Variants in NOTO observed in about 807,000 individuals in gnomAD.
NOTO encodes the protein notochord homeobox, also known as homeobox protein notochord.
NOTO carries 19 observed loss-of-function variants against 20.5 expected under a neutral mutation model. The ratio of observed to expected loss-of-function variants is 0.93; its 90% confidence interval spans 0.65 to 1.36. The LOEUF (loss-of-function observed/expected upper bound fraction) is 1.36, where lower values mean the gene tolerates loss of function less well. NOTO is among the 40% of genes most tolerant of loss of function. NOTO has a pLI of 0.00. For missense variants in NOTO, 369 were observed against 336.2 expected, an observed-to-expected ratio of 1.10 and a Z score of -0.76; for synonymous variants, 150 against 150.2, an observed-to-expected ratio of 1.00 and a Z score of 0.01.
chr2:73,202,617 C>G lies in NOTO; in HGVS notation c.-50C>G, dbSNP rs1372209283. ...CTCGCTGCCTTTTGCAGAATCTTCT[C>G]ACTTCTCCCGAGCTCCCTTCCTTGC... On this transcript the variant is annotated 5_prime_UTR_variant, in exon 1 of 3. Coordinates refer to ENST00000398468, the MANE Select transcript of NOTO (RefSeq NM_001134462.2). The G allele has an allele frequency of 2.1e-6, 3 of 1,398,470 alleles. No homozygotes were observed. Among genetic ancestry groups the G allele is most frequent in the Non-Finnish European group, 1.8e-6 (2 of 1,083,458 alleles). 86.6% of individuals were successfully genotyped at this position (1,398,470 alleles called of 1,614,324 possible).
In NOTO at chr2:73,202,650, C is replaced by T; in HGVS notation, c.-17C>T. ...CCGAGCTCCCTTCCTTGCGTCCGTC[C>T]GGGCAACGGCCGCGTCATGCCTAGC... On this transcript the variant is annotated 5_prime_UTR_variant, in exon 1 of 3. Transcript: ENST00000398468. 1 of 1,434,682 alleles carries T rather than the reference C, an allele frequency of 7.0e-7. No individual in the cohort carries two copies. The highest frequency in any genetic ancestry group is 1.5e-5 in the African/African-American group (1 of 66,514). The allele number at this position is 1,434,682 out of a possible 1,614,324, so 88.9% of individuals were successfully genotyped here.
At chr2:73,208,705 T>C in intron 2 of NOTO, 91 bp downstream of exon 2, 3 of 816,280 alleles carry the variant, frequency 3.7e-6, no homozygotes, top group East Asian at 2.7e-5. Flanking sequence ...GAGGAAGATA[T>C]GGGCCCTCTT....
intron 1 of NOTO, among the ~76,000 whole-genome samples, chr2:73,203,754 C>A (rs1354247342): frequency 6.6e-6 from 1 of 151,920 alleles, no homozygotes; most frequent in East Asian, 1.9e-4. Context: ...CACCTGAAGT[C>A]AGGAGTTCAA....
Position 73,206,099 on chromosome 2 carries a change from AT to A in NOTO, c.383-2294del, listed in dbSNP as rs200879141. On this transcript the variant is annotated intron_variant, in intron 1 of 2. Transcript: ENST00000398468. Reference sequence around the variant, plus strand: ...TGTGAAGTCATAAAATAACTTCCCCATTTTTTTCTAAATTTTTGTGGGTTTA... The same window carrying A: ...TGTGAAGTCATAAAATAACTTCCCCATTTTTTCTAAATTTTTGTGGGTTTA... Among the ~76,000 whole-genome samples the A allele has an allele frequency of 1.4e-4, 21 of 151,964 alleles. No individual in the cohort carries two copies. The East Asian group carries it at 2.9e-3, about 21-fold the overall frequency.
chr2:73,203,359 C>G (rs1244244672), intron 1 of NOTO, among the ~76,000 whole-genome samples: 1 of 152,180 alleles, frequency 6.6e-6, no homozygotes, highest in East Asian at 1.9e-4. Flanking sequence ...GGACCCAGCC[C>G]TGCTCCCGGT....
intron 1 of NOTO, among the ~76,000 whole-genome samples, chr2:73,206,787 CTTTT>C (rs969908382): frequency 4.7e-4 from 42 of 89,970 alleles, no homozygotes; most frequent in Non-Finnish European, 7.5e-4. Flanking sequence ...CCAACTAGAG[CTTTT>C]TTTTTTTTTT....
Position 73,210,987 on chromosome 2 carries a change from A to C in NOTO, c.*58A>C. The C allele has an allele frequency of 7.1e-7, 1 of 1,406,974 alleles. No individual in the cohort carries two copies. Among genetic ancestry groups the C allele is most frequent in the Non-Finnish European group, 9.6e-7 (1 of 1,036,914 alleles). The allele number at this position is 1,406,974 out of a possible 1,614,324, so 87.2% of individuals were successfully genotyped here. Reference sequence around the variant, plus strand: ...GGACTAGTTCCTCCTGGGGGTACCCACTGGAGCTCCCTGCCTCACACCTCA... The same window carrying C: ...GGACTAGTTCCTCCTGGGGGTACCCCCTGGAGCTCCCTGCCTCACACCTCA... On this transcript the variant is annotated 3_prime_UTR_variant, in exon 3 of 3. Transcript: ENST00000398468.
Position 73,202,983 on chromosome 2 carries a change from G to T in NOTO, c.317G>T (p.Gly106Val). The T allele has an allele frequency of 2.0e-6, 3 of 1,489,256 alleles. No homozygotes were observed. Among genetic ancestry groups the T allele is most frequent in the Non-Finnish European group, 2.7e-6 (3 of 1,122,006 alleles). 92.3% of individuals were successfully genotyped at this position (1,489,256 alleles called of 1,614,324 possible). A position where few individuals can be genotyped will look rare whatever the true frequency, so the allele number is the denominator to read the frequency against. The change falls in exon 1 of 3, where the codon GGT becomes GTT. Residue 106 changes from glycine to valine, a missense_variant. Coordinates refer to ENST00000398468, the MANE Select transcript of NOTO (RefSeq NM_001134462.2). ...TSWLPAYLSV[G>V]FYPVPGPRVA... ...TGGCTGCCCGCCTACCTGAGCGTAG[G>T]TTTTTACCCTGTGCCAGGGCCGCGC...
chr2:73,210,639 T>A (rs932069769), intron 2 of NOTO, 132 bp from the exon 3 acceptor site: 2 of 689,402 alleles, frequency 2.9e-6, no homozygotes, highest in African/African-American at 3.6e-5. Context: ...GAAAGGGGTG[T>A]TTTGGAGGAG....
intron 1 of NOTO, among the ~76,000 whole-genome samples, chr2:73,204,392 T>C (rs1043710338): frequency 2.0e-5 from 3 of 152,208 alleles, no homozygotes; most frequent in Non-Finnish European, 4.4e-5. Flanking sequence ...TGTTTCCCCA[T>C]GTCCCCACGA....
At position 73,210,803 on chromosome 2, in the gene NOTO, G is replaced by C; in HGVS notation, c.630G>C (p.Lys210Asn). The C allele has an allele frequency of 1.9e-6, 3 of 1,551,608 alleles. No homozygotes were observed. The highest frequency in any genetic ancestry group is 2.6e-6 in the Non-Finnish European group (3 of 1,146,940). ...VRVWFQNRRV[K>N]YQKQQKLRAA... ...TCTGGTTCCAGAACCGCAGGGTCAA[G>C]TATCAGAAGCAGCAAAAGCTGAGGG... Residue 210 changes from lysine to asparagine, a missense_variant, in exon 3 of 3, where the codon AAG (lysine) becomes AAC (asparagine). Coordinates refer to ENST00000398468, the MANE Select transcript of NOTO (RefSeq NM_001134462.2).
At chr2:73,206,561 A>G (rs1051281812) in intron 1 of NOTO, among the ~76,000 whole-genome samples, 20 of 151,596 alleles carry the variant, frequency 1.3e-4, no homozygotes, top group Non-Finnish European at 2.6e-4. Flanking sequence ...GTGGTCTCAA[A>G]CTCCTGGGCT....
chr2:73,203,056 G>A lies in NOTO; in HGVS notation c.382+8G>A. ...TGGGCTTCGGCGTCACAGGTACTGC[G>A]GTCCCGGCGCCCGCACGCGGGGGAC... is the stretch of plus-strand genomic sequence containing the variant. On this transcript the variant is annotated splice_region_variant and intron_variant, in intron 1 of 2. Transcript: ENST00000398468. 2.2e-6 allele frequency: 3 copies of A among 1,376,058 alleles called. No individual in the cohort carries two copies. Among genetic ancestry groups the A allele is most frequent in the South Asian group, 3.4e-5 (2 of 59,150 alleles). 85.2% of individuals were successfully genotyped at this position (1,376,058 alleles called of 1,614,324 possible).
rs565155320 is a variant in NOTO, at chr2:73,210,998, C to G, written c.*69C>G. The G allele has an allele frequency of 7.6e-7, 1 of 1,323,954 alleles. No homozygotes were observed. Among genetic ancestry groups the G allele is most frequent in the Admixed American group, 2.4e-5 (1 of 41,844 alleles). The allele number at this position is 1,323,954 out of a possible 1,614,324, so 82.0% of individuals were successfully genotyped here. A position where few individuals can be genotyped will look rare whatever the true frequency, so the allele number is the denominator to read the frequency against. ...TCCTGGGGGTACCCACTGGAGCTCC[C>G]TGCCTCACACCTCAACGAAAAGCCT... On this transcript the variant is annotated 3_prime_UTR_variant, in exon 3 of 3. Transcript: ENST00000398468.
chr2:73,209,225 A>T (rs1256204600), intron 2 of NOTO, among the ~76,000 whole-genome samples: 1 of 152,020 alleles, frequency 6.6e-6, no homozygotes. Context: ...TAGATATTAA[A>T]GAGTCAATAT....
At chr2:73,207,405 A>G (rs1330922218) in intron 1 of NOTO, among the ~76,000 whole-genome samples, 1 of 152,108 alleles carries the variant, frequency 6.6e-6, no homozygotes, top group African/African-American at 2.4e-5. Context: ...CTAGAATACT[A>G]TACCCCCAGA....
intron 1 of NOTO, among the ~76,000 whole-genome samples, chr2:73,207,079 G>A (rs971505346): frequency 1.3e-5 from 2 of 152,130 alleles, no homozygotes; most frequent in Non-Finnish European, 2.9e-5. Context: ...ACAGGTATAA[G>A]CCACCATGCC....
At chr2:73,204,887 ATT>A (rs56302001) in intron 1 of NOTO, among the ~76,000 whole-genome samples, 9 of 104,822 alleles carry the variant, frequency 8.6e-5, no homozygotes, top group Admixed American at 2.7e-4. Context: ...TTATTTTTTT[ATT>A]TTTTTTTTTT....
chr2:73,204,829 G>A (rs1367236120), intron 1 of NOTO, among the ~76,000 whole-genome samples: 3 of 150,624 alleles, frequency 2.0e-5, no homozygotes, highest in Non-Finnish European at 4.4e-5. Flanking sequence ...CTTAGCCTCT[G>A]GAGTGGCTGG....
Sources: gnomAD v4.1 joint callset for allele counts (sites outside exome capture counted in the v4.1 genomes callset) on GRCh38, gnomAD v4.1.1 for gene constraint, MANE v1.5 for transcripts, NCBI Gene and HGNC (gene_info 2026-07-23, HGNC 2026-07-21) for gene names.